ERC2: variants seen among roughly 807,000 people sequenced by gnomAD.
ERC2 encodes the protein ELKS/RAB6-interacting/CAST family member 2.
In ERC2, 42 loss-of-function variants were observed where a neutral mutation model predicts 114.8. The observed-to-expected ratio is 0.37, with a 90% CI of 0.29 to 0.47. The LOEUF is 0.47. Ranked by LOEUF, ERC2 falls within the 20% of genes least tolerant of loss-of-function variation. The pLI, the probability that ERC2 is intolerant of heterozygous loss-of-function variation, is 0.99. For missense variants in ERC2, 939 were observed against 1,150.7 expected, an observed-to-expected ratio of 0.82 and a Z score of 2.66; for synonymous variants, 454 against 425.5, an observed-to-expected ratio of 1.07 and a Z score of -0.82.
At chr3:55,865,802 C>T (rs2062283279) in intron 14 of ERC2, among the ~76,000 whole-genome samples, 1 of 152,072 alleles carries the variant, frequency 6.6e-6, no homozygotes, top group South Asian at 2.1e-4. Context: ...TTTTTATTAT[C>T]AAGTAATAGT....
intron 14 of ERC2, among the ~76,000 whole-genome samples, chr3:55,735,950 C>T (rs1360419212): frequency 6.6e-6 from 1 of 152,140 alleles, no homozygotes; most frequent in African/African-American, 2.4e-5. Flanking sequence ...TAGAAGTCAT[C>T]CCTGAGTTCT....
intron 14 of ERC2, among the ~76,000 whole-genome samples, chr3:55,823,361 C>T (rs1042958742): frequency 2.6e-5 from 4 of 152,158 alleles, no homozygotes; most frequent in Non-Finnish European, 5.9e-5. Context: ...TAGTGTTCAC[C>T]TCTTGTCTTT....
chr3:55,848,986 A>C (rs956225334), intron 14 of ERC2, among the ~76,000 whole-genome samples: 4 of 152,076 alleles, frequency 2.6e-5, no homozygotes, highest in South Asian at 2.1e-4. Context: ...CCAGTTTTTC[A>C]CATCTTAGGC....
At chr3:55,670,699 T>C (rs1486624450) in intron 17 of ERC2, among the ~76,000 whole-genome samples, 1 of 152,202 alleles carries the variant, frequency 6.6e-6, no homozygotes, top group Admixed American at 6.5e-5. Flanking sequence ...GACATCAGGA[T>C]GAACAAGATG....
intron 13 of ERC2, among the ~76,000 whole-genome samples, chr3:55,942,068 A>G (rs2149426373): frequency 1.3e-5 from 2 of 152,256 alleles, no homozygotes; most frequent in East Asian, 3.9e-4. Context: ...TTCAAATCCT[A>G]TCAAAGGTAG....
chr3:55,893,233 C>T (rs961469801), intron 13 of ERC2, among the ~76,000 whole-genome samples: 4 of 152,134 alleles, frequency 2.6e-5, no homozygotes, highest in South Asian at 2.1e-4. Context: ...AAATGGACTA[C>T]GACACTTAGG....
intron 17 of ERC2, among the ~76,000 whole-genome samples, chr3:55,523,814 T>C (rs928424206): frequency 2.6e-5 from 4 of 152,224 alleles, no homozygotes; most frequent in Admixed American, 6.5e-5. Flanking sequence ...GCTGACTGTG[T>C]GCCAGGAATA....
At chr3:56,267,109 G>T (rs2053360883) in intron 3 of ERC2, among the ~76,000 whole-genome samples, 1 of 152,132 alleles carries the variant, frequency 6.6e-6, no homozygotes, top group African/African-American at 2.4e-5. Context: ...ATTCTTAACA[G>T]TTGAACATCC....
intron 5 of ERC2, among the ~76,000 whole-genome samples, chr3:56,140,615 TA>T (rs1030800234): frequency 6.6e-6 from 1 of 152,192 alleles, no homozygotes; most frequent in Non-Finnish European, 1.5e-5. Context: ...TTTGCTACTA[TA>T]AAAAATGCTA....
intron 15 of ERC2, among the ~76,000 whole-genome samples, chr3:55,728,998 G>C (rs1282473142): frequency 6.6e-6 from 1 of 152,180 alleles, no homozygotes; most frequent in Non-Finnish European, 1.5e-5. Flanking sequence ...ATGGAGGCTG[G>C]AGCTAGGGGA....
intron 15 of ERC2, among the ~76,000 whole-genome samples, chr3:55,706,597 A>T (rs765590290): frequency 7.9e-5 from 12 of 151,900 alleles, no homozygotes; most frequent in Non-Finnish European, 1.3e-4. Flanking sequence ...TTTTTAGTAG[A>T]GATAGGGTTT....
intron 2 of ERC2, among the ~76,000 whole-genome samples, chr3:56,375,203 A>G (rs559018760): frequency 3.2e-4 from 48 of 152,352 alleles, no homozygotes; most frequent in African/African-American, 1.2e-3. Context: ...TCAGGAGGCC[A>G]GAATCCTGGA....
chr3:55,703,083 C>A (rs574611157), intron 15 of ERC2, among the ~76,000 whole-genome samples: 1 of 152,162 alleles, frequency 6.6e-6, no homozygotes, highest in African/African-American at 2.4e-5. Context: ...TTCTTCAAGG[C>A]GCCACCTTAT....
At chr3:56,435,293 A>T in intron 1 of ERC2, 146 bp from the exon 2 acceptor site, 30 of 214,988 alleles carry the variant, frequency 1.4e-4, no homozygotes, top group Non-Finnish European at 2.0e-4. Context: ...CACACCCATA[A>T]TGTTGATTTA....
At chr3:55,629,476 C>T (rs9818576) in intron 17 of ERC2, among the ~76,000 whole-genome samples, 3 of 152,036 alleles carry the variant, frequency 2.0e-5, no homozygotes, top group African/African-American at 7.2e-5. Context: ...GATTTTATTA[C>T]AGTAATTCAA....
intron 3 of ERC2, among the ~76,000 whole-genome samples, chr3:56,247,751 G>A (rs985097154): frequency 3.9e-5 from 6 of 152,198 alleles, no homozygotes; most frequent in Non-Finnish European, 8.8e-5. Flanking sequence ...TAGGCGCACC[G>A]TGGTACAGAC....
rs529437403 is a variant in ERC2, at chr3:55,838,900, C to T, written c.2564+49489G>A. Among the ~76,000 whole-genome samples, 330 of 151,732 alleles carry T rather than the reference C, an allele frequency of 2.2e-3. 1 individual carries two copies. Among genetic ancestry groups the T allele is most frequent in the African/African-American group, 7.5e-3 (311 of 41,432 alleles). ...AGCTCACTCAAAAAGAAATAGATAA[C>T]CAGAATAATGTATTAAATAATACCC... On this transcript the variant is annotated intron_variant, in intron 14 of 17. Transcript: ENST00000288221.
rs567229374 is a variant in ERC2, at chr3:55,921,266, C to G, written c.2403+29159G>C. Among the ~76,000 whole-genome samples the G allele has an allele frequency of 2.6e-5, 4 of 152,138 alleles. No individual in the cohort carries two copies. The East Asian group carries it at 7.7e-4, about 29-fold the overall frequency. On this transcript the variant is annotated intron_variant, in intron 13 of 17. Transcript: ENST00000288221. The stretch of plus-strand genomic sequence containing the variant: ...ATAAAAATATATCCATAAAACTGCA[C>G]CCAAAATAGTTATGACCCTTTAAAC...
chr3:56,213,435 G>C (rs939930953), intron 3 of ERC2, among the ~76,000 whole-genome samples: 3 of 152,214 alleles, frequency 2.0e-5, no homozygotes, highest in African/African-American at 7.2e-5. Flanking sequence ...AGCAGTCTGA[G>C]ATCAAAGTGC....
Sources: gnomAD v4.1 joint callset for allele counts (sites outside exome capture counted in the v4.1 genomes callset) on GRCh38, gnomAD v4.1.1 for gene constraint, MANE v1.5 for transcripts, NCBI Gene and HGNC (gene_info 2026-07-23, HGNC 2026-07-21) for gene names.